FAAH2: variants seen among roughly 807,000 people sequenced by gnomAD.
FAAH2 encodes the protein fatty acid amide hydrolase 2.
FAAH2 carries 60 observed loss-of-function variants against 36.9 expected under a neutral mutation model. The observed-to-expected ratio is 1.63, with a 90% CI of 1.32 to 2.02. The LOEUF is 2.02. Ranked by LOEUF, FAAH2 falls within the 30% of genes most tolerant of loss-of-function variation. The pLI, the probability that FAAH2 is intolerant of heterozygous loss-of-function variation, is 0.00. For missense variants in FAAH2, 689 were observed against 397.5 expected (o/e 1.73, Z -6.23); for synonymous variants, 214 against 143.8 (o/e 1.49, Z -3.49).
At chrX:57,477,011 T>C (rs1414382684) in intron 10 of FAAH2, among the ~76,000 whole-genome samples, 1 of 111,363 alleles carries the variant, frequency 9.0e-6, no homozygotes, top group East Asian at 2.8e-4. Flanking sequence ...TATTCTCTGA[T>C]GGTAATTTGT....
chrX:57,262,952 G>A, the FAAH2 span, among the ~76,000 whole-genome samples: 1 of 110,927 alleles, frequency 9.0e-6, no homozygotes, highest in Non-Finnish European at 1.9e-5. Context: ...GAATATAGGG[G>A]AGCTTTCTTT....
At chrX:57,199,548 A>G in the FAAH2 span, among the ~76,000 whole-genome samples, 1 of 111,514 alleles carries the variant, frequency 9.0e-6, no homozygotes, top group Admixed American at 9.5e-5. Context: ...CAGTATGTGT[A>G]CCCTGCAACC....
the FAAH2 span, among the ~76,000 whole-genome samples, chrX:57,183,596 T>C: frequency 9.0e-6 from 1 of 111,461 alleles, no homozygotes; most frequent in Admixed American, 9.6e-5. Context: ...ATAATACCTT[T>C]ATAATTTCAT....
the FAAH2 span, among the ~76,000 whole-genome samples, chrX:57,196,947 C>T: frequency 1.8e-5 from 2 of 111,930 alleles, no homozygotes; most frequent in East Asian, 5.6e-4. Flanking sequence ...GGATGTTTTC[C>T]TTTATTTCTT....
chrX:57,151,409 A>G, the FAAH2 span, among the ~76,000 whole-genome samples: 1 of 111,862 alleles, frequency 8.9e-6, no homozygotes, highest in Admixed American at 9.5e-5. Flanking sequence ...AATCAGACAT[A>G]GATTTGGTCT....
intron 2 of FAAH2, among the ~76,000 whole-genome samples, chrX:57,300,426 A>C (rs1223923839): frequency 8.9e-6 from 1 of 112,177 alleles, no homozygotes; most frequent in African/African-American, 3.2e-5. Context: ...CTGAAATTGG[A>C]TCCTTTCCTT....
At chrX:57,259,266 G>T in the FAAH2 span, among the ~76,000 whole-genome samples, 1 of 111,790 alleles carries the variant, frequency 8.9e-6, no homozygotes, top group South Asian at 3.7e-4. Context: ...ATCTAAAAGA[G>T]AGAAAAATTA....
At chrX:57,264,402 G>A in the FAAH2 span, among the ~76,000 whole-genome samples, 12 of 112,353 alleles carry the variant, frequency 1.1e-4, no homozygotes, top group Non-Finnish European at 1.5e-4. Context: ...AAAAGAAGAC[G>A]CATATGCGGC....
At chrX:57,474,987 A>G (rs1472813661) in intron 10 of FAAH2, among the ~76,000 whole-genome samples, 1 of 111,949 alleles carries the variant, frequency 8.9e-6, no homozygotes, top group African/African-American at 3.2e-5. Context: ...CTGGCCGTAT[A>G]AATGTCTTCT....
chrX:57,260,364 A>G, the FAAH2 span, among the ~76,000 whole-genome samples: 1 of 112,085 alleles, frequency 8.9e-6, no homozygotes, highest in Admixed American at 9.5e-5. Flanking sequence ...TGCCAAAATA[A>G]TTGCATTAAA....
chrX:57,384,053 G>A (rs1464257736), intron 7 of FAAH2, among the ~76,000 whole-genome samples: 1 of 111,650 alleles, frequency 9.0e-6, no homozygotes, highest in Non-Finnish European at 1.9e-5. Context: ...TGACAAGCCT[G>A]ACAAAAACAA....
intron 8 of FAAH2, among the ~76,000 whole-genome samples, chrX:57,442,856 C>T (rs1265791833): frequency 9.0e-6 from 1 of 110,848 alleles, no homozygotes; most frequent in Non-Finnish European, 1.9e-5. Context: ...TTTCATTTCT[C>T]CTTCACTTAT....
At chrX:57,474,537 C>T (rs2147258234) in intron 10 of FAAH2, among the ~76,000 whole-genome samples, 1 of 111,757 alleles carries the variant, frequency 8.9e-6, no homozygotes, top group South Asian at 3.7e-4. Context: ...AAGACAAGAG[C>T]TTGTTCTTTT....
At chrX:57,322,808 C>CT (rs60242728) in intron 3 of FAAH2, among the ~76,000 whole-genome samples, 11 of 105,774 alleles carry the variant, frequency 1.0e-4, no homozygotes, top group Middle Eastern at 5.0e-3. Context: ...CTTGTGATTT[C>CT]TTTTTTTTTT....
intron 2 of FAAH2, among the ~76,000 whole-genome samples, chrX:57,307,731 C>T (rs949882920): frequency 7.2e-5 from 8 of 110,672 alleles, no homozygotes; most frequent in Admixed American, 6.8e-4. Context: ...CAAATGATCC[C>T]ATCACCCAGA....
At chrX:57,331,944 A>G in intron 4 of FAAH2, 137 bp downstream of exon 4, 1 of 589,971 alleles carries the variant, frequency 1.7e-6, no homozygotes, top group Non-Finnish European at 2.6e-6. Context: ...TTGTGTGTTG[A>G]TGGAGAAGAA....
the FAAH2 span, among the ~76,000 whole-genome samples, chrX:57,186,608 T>G: frequency 1.8e-5 from 2 of 112,195 alleles, no homozygotes; most frequent in African/African-American, 6.5e-5. Flanking sequence ...TGCAATTGCT[T>G]TTGTTGTTTT....
At chrX:57,278,242 AGAAC>A in the FAAH2 span, among the ~76,000 whole-genome samples, 1 of 111,634 alleles carries the variant, frequency 9.0e-6, no homozygotes, top group Non-Finnish European at 1.9e-5. Flanking sequence ...CCAATGGAAC[AGAAC>A]AGAACAGAGG....
intron 3 of FAAH2, among the ~76,000 whole-genome samples, chrX:57,325,445 T>A (rs908475213): frequency 9.0e-6 from 1 of 111,706 alleles, no homozygotes; most frequent in East Asian, 2.8e-4. Context: ...TCTGGTAGAA[T>A]TCTGCTGTGA....
Sources: gnomAD v4.1 joint callset for allele counts (sites outside exome capture counted in the v4.1 genomes callset) on GRCh38, gnomAD v4.1.1 for gene constraint, MANE v1.5 for transcripts, NCBI Gene and HGNC (gene_info 2026-07-23, HGNC 2026-07-21) for gene names.